Variants in CADM2 observed in about 807,000 individuals in gnomAD.
The protein encoded by CADM2 is cell adhesion molecule 2.
CADM2 carries 12 observed loss-of-function variants against 49.8 expected under a neutral mutation model. That is an observed-to-expected ratio of 0.24 (90% CI 0.15 to 0.39). The LOEUF (loss-of-function observed/expected upper bound fraction) is 0.39, where lower values mean the gene tolerates loss of function less well. Ranked by LOEUF, CADM2 falls within the 10% of genes least tolerant of loss-of-function variation. The probability of loss-of-function intolerance (pLI) is 1.00; values close to 1 mark genes in which losing one functional copy is unlikely to be tolerated. For synonymous variants in CADM2, 214 were observed against 175.4 expected, an observed-to-expected ratio of 1.22 and a Z score of -1.74; for missense variants, 378 against 492.3, an observed-to-expected ratio of 0.77 and a Z score of 2.20.
At chr3:85,876,857 C>A (rs1451379457) in intron 3 of CADM2, among the ~76,000 whole-genome samples, 2 of 152,014 alleles carry the variant, frequency 1.3e-5, no homozygotes, top group Non-Finnish European at 2.9e-5. Context: ...TATGCTGGTA[C>A]CTTTTGTTAG....
chr3:86,005,553 T>C (rs1284525797), intron 8 of CADM2, among the ~76,000 whole-genome samples: 3 of 90,820 alleles, frequency 3.3e-5, no homozygotes, highest in Non-Finnish European at 4.6e-5. Context: ...CTCCGTCTCA[T>C]ATAAAAAAAA....
intron 1 of CADM2, among the ~76,000 whole-genome samples, chr3:85,087,533 A>C (rs1022949144): frequency 3.3e-5 from 5 of 152,150 alleles, no homozygotes; most frequent in Admixed American, 3.3e-4. Context: ...TTTTGCCCAC[A>C]TTCAGTTTAT....
In CADM2 at chr3:85,566,160, C is replaced by T. The variant is rs539766211; in HGVS notation, c.62-160362C>T. The stretch of plus-strand genomic sequence containing the variant: ...TTAATTCTGCAAATGGCTAGCAAAT[C>T]CTTAAGTTTTTGAGTAATCATTTTC... On this transcript the variant is annotated intron_variant, in intron 1 of 9. Transcript: ENST00000383699. Among the ~76,000 whole-genome samples the T allele has an allele frequency of 3.3e-5, 5 of 152,158 alleles. No homozygotes were observed. The South Asian group carries it at 1.0e-3, about 32-fold the overall frequency.
At chr3:85,829,802 G>A (rs1010018058) in intron 3 of CADM2, among the ~76,000 whole-genome samples, 4 of 151,916 alleles carry the variant, frequency 2.6e-5, no homozygotes, top group African/African-American at 4.8e-5. Flanking sequence ...TTCACTTAGC[G>A]TAATGTTCTC....
chr3:86,051,877 C>T (rs574670142), intron 8 of CADM2, among the ~76,000 whole-genome samples: 3 of 152,282 alleles, frequency 2.0e-5, no homozygotes, highest in African/African-American at 7.2e-5. Flanking sequence ...AATCCAATCA[C>T]CTCCTATCAT....
intron 6 of CADM2, 60 bp downstream of exon 6, chr3:85,912,603 A>G: frequency 3.3e-6 from 5 of 1,505,260 alleles, no homozygotes; most frequent in Admixed American, 1.9e-5. Flanking sequence ...ATCTGCATCT[A>G]AAATCATTTC....
At chr3:85,771,557 T>C (rs1233797013) in intron 2 of CADM2, among the ~76,000 whole-genome samples, 1 of 152,028 alleles carries the variant, frequency 6.6e-6, no homozygotes, top group Non-Finnish European at 1.5e-5. Context: ...ACTTACATAT[T>C]ACATGCTTTT....
intron 1 of CADM2, among the ~76,000 whole-genome samples, chr3:85,530,112 C>T (rs1380451501): frequency 6.6e-6 from 1 of 152,010 alleles, no homozygotes; most frequent in Admixed American, 6.6e-5. Context: ...GCCCCCCATA[C>T]TGTTCTCATG....
At chr3:85,093,465 C>T (rs1268412358) in intron 1 of CADM2, among the ~76,000 whole-genome samples, 10 of 145,296 alleles carry the variant, frequency 6.9e-5, no homozygotes, top group African/African-American at 2.3e-4. Context: ...TGCAGTGAGC[C>T]GAGATCACAC....
intron 7 of CADM2, among the ~76,000 whole-genome samples, chr3:85,951,624 T>C (rs765408275): frequency 6.6e-6 from 1 of 151,044 alleles, no homozygotes; most frequent in Non-Finnish European, 1.5e-5. Flanking sequence ...TGATAATACA[T>C]TGTGCATATT....
rs546520252 is a variant in CADM2 at position 85,258,397 on chromosome 3, G to A, written c.61+298729G>A. ...ACCTTGGAGGCTTTTCTTCTGAAAA[G>A]CCTGCTACTGACTGGCTGCCAAAAA... On this transcript the variant is annotated intron_variant, in intron 1 of 9. Transcript: ENST00000383699. Among the ~76,000 whole-genome samples, 44 of 151,986 alleles carry A rather than the reference G, an allele frequency of 2.9e-4. 1 individual carries two copies. Among genetic ancestry groups the A allele is most frequent in the Admixed American group, 2.9e-3 (44 of 15,228 alleles).
chr3:85,460,616 G>A (rs180949264), intron 1 of CADM2, among the ~76,000 whole-genome samples: 6 of 152,156 alleles, frequency 3.9e-5, no homozygotes, highest in African/African-American at 1.2e-4. Flanking sequence ...TTACCATTGC[G>A]ATTTCTTCAA....
intron 1 of CADM2, among the ~76,000 whole-genome samples, chr3:85,426,553 G>A (rs1433231826): frequency 3.3e-5 from 5 of 152,152 alleles, no homozygotes; most frequent in African/African-American, 1.2e-4. Flanking sequence ...TTTGATACAG[G>A]CATGTAATAA....
At chr3:85,448,175 C>CA (rs200884134) in intron 1 of CADM2, among the ~76,000 whole-genome samples, 8,560 of 151,224 alleles carry the variant, frequency 0.057, 391 homozygotes, top group Non-Finnish European at 0.08. Context: ...ACTGAAAATA[C>CA]AAAAAAAATT....
chr3:85,377,671 T>G (rs1559808950), intron 1 of CADM2, among the ~76,000 whole-genome samples: 1 of 152,088 alleles, frequency 6.6e-6, no homozygotes, highest in Non-Finnish European at 1.5e-5. Context: ...GTGACCTTTA[T>G]AGGTGTATAC....
chr3:85,761,652 G>A (rs2069386749), intron 2 of CADM2, among the ~76,000 whole-genome samples: 1 of 152,054 alleles, frequency 6.6e-6, no homozygotes. Context: ...TGGGATTACA[G>A]GCGTGAGCCA....
In CADM2 at chr3:85,559,233, T is replaced by C. The variant is rs564088635; in HGVS notation, c.62-167289T>C. 1.6e-4 allele frequency among the ~76,000 whole-genome samples: 25 copies of C among 152,240 alleles called. No individual in the cohort carries two copies. The South Asian group carries it at 5.0e-3, about 30-fold the overall frequency. On this transcript the variant is annotated intron_variant, in intron 1 of 9. Coordinates refer to ENST00000383699, the MANE Select transcript of CADM2 (RefSeq NM_001167675.2). ...GCATATTTATGTATACATGTACCAA[T>C]GTTTTATCCAAATCCTAACTAGTAA...
At chr3:85,132,309 C>T (rs1251664604) in intron 1 of CADM2, among the ~76,000 whole-genome samples, 1 of 152,108 alleles carries the variant, frequency 6.6e-6, no homozygotes, top group Non-Finnish European at 1.5e-5. Flanking sequence ...CTAAGGAAAC[C>T]TTTAACTGGC....
At chr3:85,255,494 G>T (rs990285045) in intron 1 of CADM2, among the ~76,000 whole-genome samples, 1 of 151,762 alleles carries the variant, frequency 6.6e-6, no homozygotes, top group Non-Finnish European at 1.5e-5. Context: ...CTAACACTTT[G>T]CAGCTATATG....
Sources: gnomAD v4.1 joint callset for allele counts (sites outside exome capture counted in the v4.1 genomes callset) on GRCh38, gnomAD v4.1.1 for gene constraint, MANE v1.5 for transcripts, NCBI Gene and HGNC (gene_info 2026-07-23, HGNC 2026-07-21) for gene names.